Variants in ITGBL1 observed in about 807,000 individuals in gnomAD.
ITGBL1 encodes the protein integrin beta-like protein 1.
Under a neutral mutation model 68.5 loss-of-function variants are expected in ITGBL1, and 51 were observed. The observed-to-expected ratio is 0.74, with a 90% confidence interval of 0.59 to 0.94. ITGBL1 has a LOEUF of 0.94. Ranked by LOEUF, ITGBL1 falls within the 40% of genes least tolerant of loss-of-function variation. ITGBL1 has a pLI of 0.00. For synonymous variants in ITGBL1, 209 were observed against 227.3 expected, an observed-to-expected ratio of 0.92 and a Z score of 0.72; for missense variants, 649 against 647.4, an observed-to-expected ratio of 1.00 and a Z score of -0.03.
At chr13:101,635,571 G>A (rs1185446000) in intron 7 of ITGBL1, among the ~76,000 whole-genome samples, 3 of 151,980 alleles carry the variant, frequency 2.0e-5, no homozygotes, top group Non-Finnish European at 4.4e-5. Context: ...ATGAAATGTG[G>A]CCATATTTCA....
intron 7 of ITGBL1, among the ~76,000 whole-genome samples, chr13:101,637,479 G>A (rs906169332): frequency 1.3e-4 from 20 of 151,938 alleles, no homozygotes; most frequent in African/African-American, 4.8e-4. Context: ...GAGTAGCTGG[G>A]ACTACAGGCA....
At chr13:101,511,992 C>T (rs757433644) in intron 2 of ITGBL1, among the ~76,000 whole-genome samples, 7 of 152,116 alleles carry the variant, frequency 4.6e-5, no homozygotes, top group Non-Finnish European at 1.0e-4. Flanking sequence ...TGTGCAATTT[C>T]CTTTTCAGTC....
intron 2 of ITGBL1, among the ~76,000 whole-genome samples, chr13:101,502,939 T>C (rs1041595102): frequency 2.0e-5 from 3 of 152,186 alleles, no homozygotes; most frequent in African/African-American, 7.2e-5. Context: ...TGCCTCTCCA[T>C]CTACAGATTG....
intron 6 of ITGBL1, among the ~76,000 whole-genome samples, chr13:101,591,805 C>T (rs1267789123): frequency 6.6e-6 from 1 of 152,096 alleles, no homozygotes; most frequent in African/African-American, 2.4e-5. Flanking sequence ...TGCATTTTTG[C>T]AGCAATTATA....
intron 7 of ITGBL1, among the ~76,000 whole-genome samples, chr13:101,603,207 T>G (rs1296040481): frequency 6.6e-6 from 1 of 151,942 alleles, no homozygotes; most frequent in Non-Finnish European, 1.5e-5. Flanking sequence ...GTGTGGAGTT[T>G]CCAGTTTGTC....
In ITGBL1 at chr13:101,699,319, C is replaced by T. The variant is rs74122643; in HGVS notation, c.1132+6618C>T. Among the ~76,000 whole-genome samples, 935 of 152,280 alleles carry T rather than the reference C, an allele frequency of 6.1e-3. 8 individuals carry two copies. Among genetic ancestry groups the T allele is most frequent in the African/African-American group, 0.021 (856 of 41,562 alleles). On this transcript the variant is annotated intron_variant, in intron 8 of 10. Transcript: ENST00000376180. ...GCCTGAGCACCACAGTGTCCCTGAA[C>T]CCCATCTCTCTCTTCTGCTCTGCCC... is the stretch of plus-strand genomic sequence containing the variant.
intron 2 of ITGBL1, among the ~76,000 whole-genome samples, chr13:101,500,264 T>C (rs1566703391): frequency 6.6e-6 from 1 of 152,204 alleles, no homozygotes; most frequent in African/African-American, 2.4e-5. Context: ...TGAATAGTTA[T>C]GAGTGGAGTC....
intron 8 of ITGBL1, among the ~76,000 whole-genome samples, chr13:101,696,519 A>C (rs556758150): frequency 2.0e-4 from 30 of 152,252 alleles, no homozygotes; most frequent in Admixed American, 6.5e-4. Flanking sequence ...TGGGTATGTT[A>C]GTTCCCTCTC....
chr13:101,615,808 A>T (rs2031330656), intron 7 of ITGBL1, among the ~76,000 whole-genome samples: 1 of 152,044 alleles, frequency 6.6e-6, no homozygotes, highest in African/African-American at 2.4e-5. Flanking sequence ...AATAATAATA[A>T]AATAATAAAT....
At chr13:101,455,105 G>C (rs967218135) in intron 2 of ITGBL1, among the ~76,000 whole-genome samples, 3 of 152,142 alleles carry the variant, frequency 2.0e-5, no homozygotes, top group Non-Finnish European at 2.9e-5. Context: ...ATTCCAGCCA[G>C]GGTTTGGCAA....
intron 2 of ITGBL1, among the ~76,000 whole-genome samples, chr13:101,473,450 A>G (rs533867650): frequency 6.6e-6 from 1 of 152,322 alleles, no homozygotes; most frequent in African/African-American, 2.4e-5. Context: ...CTACAGACAG[A>G]TCATTTTGAT....
intron 2 of ITGBL1, among the ~76,000 whole-genome samples, chr13:101,456,167 C>T (rs1429622980): frequency 6.6e-6 from 1 of 152,188 alleles, no homozygotes; most frequent in Non-Finnish European, 1.5e-5. Flanking sequence ...GTTATGCATG[C>T]ATTTCTGTAG....
intron 7 of ITGBL1, among the ~76,000 whole-genome samples, chr13:101,646,485 T>A (rs1007847301): frequency 6.6e-6 from 1 of 152,194 alleles, no homozygotes; most frequent in African/African-American, 2.4e-5. Flanking sequence ...GAAACTTTTT[T>A]ACTTATAAAT....
At chr13:101,577,508 A>C (rs1251159593) in intron 4 of ITGBL1, among the ~76,000 whole-genome samples, 2 of 152,208 alleles carry the variant, frequency 1.3e-5, no homozygotes, top group Admixed American at 1.3e-4. Flanking sequence ...CCTCTAACTC[A>C]AAGGTTTCTT....
intron 7 of ITGBL1, among the ~76,000 whole-genome samples, chr13:101,673,182 C>T (rs942061994): frequency 3.9e-5 from 6 of 152,194 alleles, no homozygotes; most frequent in African/African-American, 1.4e-4. Flanking sequence ...CTTAATTTTT[C>T]CTTGCTTGTG....
chr13:101,720,530 CTGTGTGTGTGTGTGTGTGTGTGTGTG>C (rs56200654), downstream of ITGBL1: 1 of 147,572 alleles, frequency 6.8e-6, no homozygotes, highest in Non-Finnish European at 1.5e-5. Flanking sequence ...GGTGTTTGCT[CTGTGTGTGTGTGTGTGTGTGTGTGTG>C]TGTGTGTGTA....
At chr13:101,605,297 CATAT>C (rs1468471367) in intron 7 of ITGBL1, among the ~76,000 whole-genome samples, 1 of 133,606 alleles carries the variant, frequency 7.5e-6, no homozygotes, top group South Asian at 2.4e-4. Context: ...TATATATACA[CATAT>C]ATAGGCATGT....
At chr13:101,531,685 TA>T (rs1243362869) in intron 2 of ITGBL1, among the ~76,000 whole-genome samples, 3 of 144,778 alleles carry the variant, frequency 2.1e-5, no homozygotes, top group South Asian at 2.2e-4. Context: ...TTGAAGGTTT[TA>T]TTTTTTTTAT....
intron 2 of ITGBL1, among the ~76,000 whole-genome samples, chr13:101,499,651 C>T (rs1241262181): frequency 6.6e-6 from 1 of 152,148 alleles, no homozygotes; most frequent in Non-Finnish European, 1.5e-5. Flanking sequence ...TCATGCTTCC[C>T]CTGTCCCTTT....
Sources: allele counts gnomAD v4.1 joint callset (sites outside exome capture counted in the v4.1 genomes callset), GRCh38; gene constraint gnomAD v4.1.1; transcripts MANE v1.5; gene names NCBI Gene and HGNC (gene_info 2026-07-23, HGNC 2026-07-21).